The following KCNS3 variants were observed in gnomAD, a reference collection of about 807,000 sequenced individuals.
The protein encoded by KCNS3 is delayed-rectifier potassium channel regulatory subunit KCNS3.
Under a neutral mutation model 31.0 loss-of-function variants are expected in KCNS3, and 13 were observed. The ratio of observed to expected loss-of-function variants is 0.42; its 90% CI spans 0.27 to 0.67. The LOEUF is 0.67. KCNS3 is among the 30% of genes least tolerant of loss of function. The probability of loss-of-function intolerance (pLI) is 0.25; values close to 1 mark genes in which losing one functional copy is unlikely to be tolerated. For missense variants in KCNS3, 545 were observed against 622.4 expected (o/e 0.88, Z 1.32); for synonymous variants, 238 against 241.5 (o/e 0.99, Z 0.13).
chr2:17,913,528 T>G (rs1662519789), intron 1 of KCNS3, among the ~76,000 whole-genome samples: 1 of 152,276 alleles, frequency 6.6e-6, no homozygotes, highest in Non-Finnish European at 1.5e-5. Context: ...GGTTTGAGTT[T>G]CCACAAAAGG....
At chr2:17,909,131 G>A (rs1662411378) in intron 1 of KCNS3, among the ~76,000 whole-genome samples, 1 of 152,210 alleles carries the variant, frequency 6.6e-6, no homozygotes, top group African/African-American at 2.4e-5. Flanking sequence ...GGGCTGCTTT[G>A]TTTACCTACT....
chr2:17,906,928 A>G (rs545786010), intron 1 of KCNS3, among the ~76,000 whole-genome samples: 1 of 152,312 alleles, frequency 6.6e-6, no homozygotes, highest in South Asian at 2.1e-4. Context: ...CGAAGAATGT[A>G]TGTTCTGTTG....
Position 17,931,414 on chromosome 2 carries a change from A to C in KCNS3, c.406A>C (p.Lys136Gln). Residue 136 changes from lysine (K) to glutamine (Q), a missense_variant, in exon 3 of 3, where the codon AAA becomes CAA. Coordinates refer to ENST00000304101, the MANE Select transcript of KCNS3 (RefSeq NM_002252.5). This position sits in a 1 kb window ranked among gnomAD's most constrained non-coding sequence, Gnocchi z 5.4. Reference sequence around the variant, plus strand: ...AAACCACGAGAAGGACTGGGACCAGAAAAGCCATGATGTGAGTACCGACTC... The same window carrying C: ...AAACCACGAGAAGGACTGGGACCAGCAAAGCCATGATGTGAGTACCGACTC... ...EENHEKDWDQKSHDVSTDSSF... is the reference protein window; with the variant it reads ...EENHEKDWDQQSHDVSTDSSF... The C allele has an allele frequency of 6.2e-7, 1 of 1,614,170 alleles. No homozygotes were observed. Among genetic ancestry groups the C allele is most frequent in the Non-Finnish European group, 8.5e-7 (1 of 1,180,020 alleles).
intron 1 of KCNS3, among the ~76,000 whole-genome samples, chr2:17,909,102 C>T (rs919413216): frequency 2.0e-5 from 3 of 152,218 alleles, no homozygotes; most frequent in African/African-American, 4.8e-5. Flanking sequence ...GCAGTGGGCT[C>T]CACCCAGTTC....
At chr2:17,906,467 C>T (rs1049422499) in intron 1 of KCNS3, among the ~76,000 whole-genome samples, 1 of 152,080 alleles carries the variant, frequency 6.6e-6, no homozygotes, top group African/African-American at 2.4e-5. Context: ...TCCTTCAGTT[C>T]TTCTGTGATC....
chr2:17,891,058 C>G (rs371250688), intron 1 of KCNS3, among the ~76,000 whole-genome samples: 12 of 152,108 alleles, frequency 7.9e-5, no homozygotes, highest in African/African-American at 2.9e-4. Flanking sequence ...GTCTAGCTCA[C>G]TTCTTAGATC....
chr2:17,913,516 A>G (rs961892435), intron 1 of KCNS3, among the ~76,000 whole-genome samples: 1 of 152,272 alleles, frequency 6.6e-6, no homozygotes, highest in Non-Finnish European at 1.5e-5. Context: ...TGCATGAAGC[A>G]TGGTTTGAGT....
intron 1 of KCNS3, among the ~76,000 whole-genome samples, chr2:17,908,965 G>A (rs111418765): frequency 0.027 from 4,088 of 152,308 alleles, 141 homozygotes; most frequent in African/African-American, 0.079. Context: ...TGTACTGGGA[G>A]AACCACTACT....
At chr2:17,924,740 G>A (rs1662797032) in intron 2 of KCNS3, among the ~76,000 whole-genome samples, 1 of 152,034 alleles carries the variant, frequency 6.6e-6, no homozygotes, top group South Asian at 2.1e-4. Flanking sequence ...ATATGTTGCT[G>A]GATTTGGTTT....
intron 1 of KCNS3, among the ~76,000 whole-genome samples, chr2:17,891,099 T>A (rs1661843880): frequency 6.6e-6 from 1 of 152,174 alleles, no homozygotes; most frequent in Admixed American, 6.5e-5. Context: ...ATTTGGGAGC[T>A]TCAGTGTTTG....
At chr2:17,883,579 A>G (rs931067871) in intron 1 of KCNS3, among the ~76,000 whole-genome samples, 1 of 152,172 alleles carries the variant, frequency 6.6e-6, no homozygotes, top group Non-Finnish European at 1.5e-5. Flanking sequence ...TTTCATTTTG[A>G]GTGATAAAAG....
At chr2:17,920,717 T>C (rs1662687413) in intron 2 of KCNS3, among the ~76,000 whole-genome samples, 1 of 152,208 alleles carries the variant, frequency 6.6e-6, no homozygotes. Flanking sequence ...AAGAAGAGAA[T>C]GAAAATAGCA....
intron 1 of KCNS3, among the ~76,000 whole-genome samples, chr2:17,880,565 CTT>C (rs774678197): frequency 1.7e-4 from 26 of 152,218 alleles, no homozygotes; most frequent in Non-Finnish European, 3.2e-4. Flanking sequence ...ACTAAGGAGA[CTT>C]GCGGGATCAG....
chr2:17,918,116 C>T (rs1004378978), intron 2 of KCNS3, among the ~76,000 whole-genome samples: 3 of 152,194 alleles, frequency 2.0e-5, no homozygotes, highest in African/African-American at 7.2e-5. Context: ...TTTTCTCCCT[C>T]TCCCTTTTTT....
At chr2:17,892,957 A>G (rs1415557659) in intron 1 of KCNS3, among the ~76,000 whole-genome samples, 1 of 152,174 alleles carries the variant, frequency 6.6e-6, no homozygotes, top group Non-Finnish European at 1.5e-5. Context: ...ATGGGGAGGA[A>G]CCAGCAGTGG....
intron 1 of KCNS3, among the ~76,000 whole-genome samples, chr2:17,905,035 A>G (rs891757064): frequency 3.3e-4 from 50 of 152,296 alleles, no homozygotes; most frequent in Admixed American, 2.6e-3. Context: ...CATTGAATCT[A>G]TAAATTACCT....
chr2:17,925,163 AC>A (rs1485312714), intron 2 of KCNS3, among the ~76,000 whole-genome samples: 5 of 152,140 alleles, frequency 3.3e-5, no homozygotes, highest in African/African-American at 1.2e-4. Flanking sequence ...TCCCAAATTA[AC>A]CTGAAAAATG....
At chr2:17,928,649 A>G (rs979416320) in intron 2 of KCNS3, among the ~76,000 whole-genome samples, 3 of 145,966 alleles carry the variant, frequency 2.1e-5, no homozygotes, top group African/African-American at 7.6e-5. Flanking sequence ...GTTTATTTGC[A>G]TGTTAATCTT....
chr2:17,929,541 C>T (rs1164528690), intron 2 of KCNS3, among the ~76,000 whole-genome samples: 1 of 152,234 alleles, frequency 6.6e-6, no homozygotes, highest in Non-Finnish European at 1.5e-5. Flanking sequence ...CCACCTGCAA[C>T]ACGCAGGATC....
Sources: gnomAD v4.1 joint callset for allele counts (sites outside exome capture counted in the v4.1 genomes callset) on GRCh38, gnomAD v4.1.1 for gene constraint, Gnocchi (gnomAD v3.1) non-coding constraint, MANE v1.5 for transcripts, NCBI Gene and HGNC (gene_info 2026-07-23, HGNC 2026-07-21) for gene names.